The following STK39 variants were observed in gnomAD, a reference collection of about 807,000 sequenced individuals.
The protein encoded by STK39 is serine/threonine kinase 39.
STK39 carries 20 observed loss-of-function variants against 77.8 expected under a neutral mutation model. The observed-to-expected ratio is 0.26, with a 90% CI of 0.18 to 0.37. The LOEUF (loss-of-function observed/expected upper bound fraction) is 0.37, where lower values mean the gene tolerates loss of function less well. Ranked by LOEUF, STK39 falls within the 10% of genes least tolerant of loss-of-function variation. The probability of loss-of-function intolerance (pLI) is 1.00; values close to 1 mark genes in which losing one functional copy is unlikely to be tolerated. For missense variants in STK39, 479 were observed against 656.5 expected (o/e 0.73, Z 2.95); for synonymous variants, 246 against 234.1 (o/e 1.05, Z -0.47).
intron 16 of STK39, among the ~76,000 whole-genome samples, chr2:168,006,219 C>G (rs1046382360): frequency 6.6e-5 from 10 of 152,202 alleles, no homozygotes; most frequent in African/African-American, 9.7e-5. Context: ...AAACCCTGGC[C>G]TCTGTATTGA....
chr2:168,016,339 T>C (rs140750965), intron 15 of STK39, among the ~76,000 whole-genome samples: 25 of 134,304 alleles, frequency 1.9e-4, no homozygotes, highest in African/African-American at 6.6e-4. Context: ...AATAAGCCTA[T>C]GGCCAAGTAT....
At chr2:168,066,631 T>G (rs1685801580) in intron 12 of STK39, among the ~76,000 whole-genome samples, 1 of 152,230 alleles carries the variant, frequency 6.6e-6, no homozygotes, top group Non-Finnish European at 1.5e-5. Context: ...CTGAAAAACC[T>G]TAGTGGCATT....
At chr2:168,090,997 T>A (rs1156528219) in intron 10 of STK39, among the ~76,000 whole-genome samples, 11 of 152,134 alleles carry the variant, frequency 7.2e-5, no homozygotes, top group Admixed American at 7.2e-4. Flanking sequence ...GATGACATAT[T>A]AACATCCTAT....
At chr2:168,026,580 A>C (rs1220116150) in intron 14 of STK39, among the ~76,000 whole-genome samples, 1 of 152,212 alleles carries the variant, frequency 6.6e-6, no homozygotes, top group Non-Finnish European at 1.5e-5. Context: ...CCTGGGACTC[A>C]GGACCTCTAG....
chr2:168,117,623 A>G (rs1687292033), intron 10 of STK39, among the ~76,000 whole-genome samples: 1 of 152,232 alleles, frequency 6.6e-6, no homozygotes, highest in South Asian at 2.1e-4. Flanking sequence ...AGCTTCACAG[A>G]AAAGATGCTA....
At chr2:168,023,237 T>A (rs1315136598) in intron 14 of STK39, among the ~76,000 whole-genome samples, 1 of 151,804 alleles carries the variant, frequency 6.6e-6, no homozygotes, top group Non-Finnish European at 1.5e-5. Flanking sequence ...AAATGTTTAG[T>A]AATTGATGTT....
At chr2:168,001,725 C>T (rs1245657476) in intron 16 of STK39, among the ~76,000 whole-genome samples, 1 of 152,134 alleles carries the variant, frequency 6.6e-6, no homozygotes, top group Non-Finnish European at 1.5e-5. Flanking sequence ...AGTGACTTCT[C>T]TTTTATTTTA....
intron 16 of STK39, among the ~76,000 whole-genome samples, chr2:167,967,164 C>A (rs1692180119): frequency 6.6e-6 from 1 of 152,228 alleles, no homozygotes. Flanking sequence ...GACTTCTGAA[C>A]CCTGCTTGCT....
At chr2:168,168,367 T>C (rs1165915318) in intron 2 of STK39, among the ~76,000 whole-genome samples, 2 of 152,132 alleles carry the variant, frequency 1.3e-5, no homozygotes, top group East Asian at 3.9e-4. Flanking sequence ...CTAATGTAAC[T>C]CTCAATCAAA....
At chr2:168,233,850 T>G (rs1559158897) in intron 1 of STK39, among the ~76,000 whole-genome samples, 1 of 152,224 alleles carries the variant, frequency 6.6e-6, no homozygotes, top group African/African-American at 2.4e-5. Flanking sequence ...TATGACACAT[T>G]ATGATATTTC....
At chr2:168,193,210 C>T (rs1468515940) in intron 1 of STK39, among the ~76,000 whole-genome samples, 2 of 152,204 alleles carry the variant, frequency 1.3e-5, no homozygotes, top group Non-Finnish European at 2.9e-5. Context: ...CCTGCTTTTC[C>T]TGTCTCCTCT....
At chr2:168,118,126 C>T (rs1460026522) in intron 10 of STK39, among the ~76,000 whole-genome samples, 1 of 151,936 alleles carries the variant, frequency 6.6e-6, no homozygotes, top group African/African-American at 2.4e-5. Context: ...CCAGGATGCT[C>T]GGGGAGCACT....
intron 1 of STK39, among the ~76,000 whole-genome samples, chr2:168,199,312 C>G (rs1182070584): frequency 2.0e-5 from 3 of 152,150 alleles, no homozygotes; most frequent in Non-Finnish European, 4.4e-5. Flanking sequence ...ACTTGTGAGT[C>G]CCAACCTTTT....
chr2:168,122,993 T>C (rs561834957), intron 10 of STK39, among the ~76,000 whole-genome samples: 2 of 152,344 alleles, frequency 1.3e-5, no homozygotes, highest in South Asian at 2.1e-4. Context: ...CTTATGCATA[T>C]GATCAAAGTG....
At position 167,954,722 on chromosome 2, in the gene STK39, C is replaced by G. The variant is rs200411838; in HGVS notation, c.*774G>C. ...TAATGTGAAAGTTTGCAAGGCACCT[C>G]CCTCTCCCAAGAGACAGTCAGATTG... is the stretch of plus-strand genomic sequence containing the variant. On this transcript the variant is annotated 3_prime_UTR_variant, in exon 18 of 18. Transcript: ENST00000355999. 6.6e-6 allele frequency: 1 copy of G among 152,606 alleles called. No individual in the cohort carries two copies. The highest frequency in any genetic ancestry group is 2.1e-4 in the South Asian group (1 of 4,830). 9.5% of individuals were successfully genotyped at this position (152,606 alleles called of 1,614,324 possible).
At chr2:168,095,593 T>C (rs1316911683) in intron 10 of STK39, among the ~76,000 whole-genome samples, 1 of 150,492 alleles carries the variant, frequency 6.6e-6, no homozygotes, top group East Asian at 2.0e-4. Context: ...AAGCCTGCGC[T>C]GAATCTGCTA....
chr2:168,137,480 A>G (rs143279289), intron 8 of STK39, among the ~76,000 whole-genome samples: 1 of 152,364 alleles, frequency 6.6e-6, no homozygotes, highest in African/African-American at 2.4e-5. Flanking sequence ...AGGAACTCAG[A>G]AAACAGACAC....
intron 15 of STK39, 21 bp downstream of exon 15, chr2:168,017,020 TAA>T (rs754871608): frequency 1.5e-5 from 24 of 1,579,418 alleles, no homozygotes; most frequent in Non-Finnish European, 2.1e-5. Context: ...GGCAATAAAA[TAA>T]TAACTTCAAT....
At chr2:168,140,563 G>A in intron 6 of STK39, 86 bp downstream of exon 6, 3 of 1,233,282 alleles carry the variant, frequency 2.4e-6, no homozygotes, top group Non-Finnish European at 3.5e-6. Context: ...CTACTAAAAT[G>A]CTAGATACAA....
Sources: gnomAD v4.1 joint callset for allele counts (sites outside exome capture counted in the v4.1 genomes callset) on GRCh38, gnomAD v4.1.1 for gene constraint, MANE v1.5 for transcripts, NCBI Gene and HGNC (gene_info 2026-07-23, HGNC 2026-07-21) for gene names.